NLGN1: variants seen among roughly 807,000 people sequenced by gnomAD.
NLGN1 encodes the protein neuroligin 1.
NLGN1 carries 12 observed loss-of-function variants against 65.5 expected under a neutral mutation model. The ratio of observed to expected loss-of-function variants is 0.18; its 90% CI spans 0.12 to 0.30. NLGN1 has a LOEUF of 0.30. NLGN1 is among the 10% of genes least tolerant of loss of function. The pLI is 1.00. For missense variants in NLGN1, 750 were observed against 1,007.1 expected (o/e 0.74, Z 3.46); for synonymous variants, 350 against 359.5 (o/e 0.97, Z 0.30).
chr3:173,979,778 G>A (rs758174424), intron 4 of NLGN1, among the ~76,000 whole-genome samples: 2 of 151,946 alleles, frequency 1.3e-5, no homozygotes, highest in African/African-American at 4.8e-5. Flanking sequence ...TCACCATATC[G>A]TGTTATTGAC....
At chr3:174,036,909 A>G (rs1371767555) in intron 4 of NLGN1, among the ~76,000 whole-genome samples, 1 of 152,096 alleles carries the variant, frequency 6.6e-6, no homozygotes, top group Admixed American at 6.6e-5. Context: ...AGCTTTATGC[A>G]TGTTCCTGCA....
chr3:174,040,216 T>C (rs1419228883), intron 4 of NLGN1, among the ~76,000 whole-genome samples: 6 of 152,122 alleles, frequency 3.9e-5, no homozygotes, highest in African/African-American at 1.4e-4. Context: ...TAAAGAAGGC[T>C]AAATGCTCAC....
At chr3:173,786,413 G>C (rs2150344635) in intron 3 of NLGN1, among the ~76,000 whole-genome samples, 1 of 152,126 alleles carries the variant, frequency 6.6e-6, no homozygotes, top group African/African-American at 2.4e-5. Context: ...GAAATATCCA[G>C]AATAATTAAG....
chr3:173,456,370 A>G (rs1217757036), intron 2 of NLGN1, among the ~76,000 whole-genome samples: 1 of 152,130 alleles, frequency 6.6e-6, no homozygotes, highest in African/African-American at 2.4e-5. Flanking sequence ...GGTTGAGAAC[A>G]TGGACTGAGG....
intron 4 of NLGN1, among the ~76,000 whole-genome samples, chr3:173,917,689 C>T (rs949034960): frequency 1.3e-5 from 2 of 152,132 alleles, no homozygotes; most frequent in Non-Finnish European, 2.9e-5. Context: ...ATGTCTAAGC[C>T]AAAGGTAAGG....
intron 3 of NLGN1, among the ~76,000 whole-genome samples, chr3:173,757,685 C>A (rs189264645): frequency 6.6e-6 from 1 of 151,848 alleles, no homozygotes; most frequent in Non-Finnish European, 1.5e-5. Flanking sequence ...AAAAAAATGG[C>A]ACTTTGGAGA....
intron 3 of NLGN1, among the ~76,000 whole-genome samples, chr3:173,648,816 C>T (rs1039821108): frequency 1.3e-5 from 2 of 152,048 alleles, no homozygotes; most frequent in African/African-American, 4.8e-5. Flanking sequence ...CTCAGGTGAT[C>T]CACCCACCTT....
At chr3:174,076,724 AGTGTGTGTGTGTGTGTGTGTGT>A (rs143103332) in intron 4 of NLGN1, among the ~76,000 whole-genome samples, 1 of 82,044 alleles carries the variant, frequency 1.2e-5, no homozygotes, top group East Asian at 3.7e-4. Context: ...AGAGAGAGAG[AGTGTGTGTGTGTGTGTGTGTGT>A]GTGTGTGTGT....
chr3:174,242,868 C>T (rs143728042), intron 4 of NLGN1, among the ~76,000 whole-genome samples: 1 of 152,004 alleles, frequency 6.6e-6, no homozygotes, highest in East Asian at 2.0e-4. Context: ...ATGTTGGCGA[C>T]CAGTGCCAAA....
intron 4 of NLGN1, among the ~76,000 whole-genome samples, chr3:174,203,318 A>C (rs1734833874): frequency 6.6e-6 from 1 of 152,202 alleles, no homozygotes; most frequent in South Asian, 2.1e-4. Flanking sequence ...TTGAAGGTCC[A>C]CTTCACCGTG....
chr3:173,873,025 A>G lies in NLGN1; in HGVS notation c.646+65193A>G, dbSNP rs541031063. Among the ~76,000 whole-genome samples, 89 of 152,174 alleles carry G rather than the reference A, an allele frequency of 5.8e-4. No individual in the cohort carries two copies. The South Asian group carries it at 0.018, about 31-fold the overall frequency. ...GGAATGTCCCCAATGCCCAAGGTCA[A>G]TTGGGGCTGGCACGTGAAGGAACTC... is the stretch of plus-strand genomic sequence containing the variant. On this transcript the variant is annotated intron_variant, in intron 4 of 6. Coordinates refer to ENST00000457714, the Ensembl canonical transcript of NLGN1.
intron 1 of NLGN1, among the ~76,000 whole-genome samples, chr3:173,412,196 T>C (rs1468149047): frequency 1.3e-5 from 2 of 152,208 alleles, no homozygotes; most frequent in Non-Finnish European, 2.9e-5. Context: ...TTGAAACCTA[T>C]ACCAGTTTAC....
chr3:173,955,699 A>T (rs1198512588), intron 4 of NLGN1, among the ~76,000 whole-genome samples: 3 of 152,218 alleles, frequency 2.0e-5, no homozygotes, highest in African/African-American at 7.2e-5. Context: ...CTTAAACTTC[A>T]GATAAAAATA....
At chr3:174,056,229 A>G (rs1736044856) in intron 4 of NLGN1, among the ~76,000 whole-genome samples, 1 of 151,964 alleles carries the variant, frequency 6.6e-6, no homozygotes, top group African/African-American at 2.4e-5. Flanking sequence ...TACATTTTTT[A>G]TATTTTGCCG....
At chr3:174,118,353 T>C (rs534380037) in intron 4 of NLGN1, among the ~76,000 whole-genome samples, 5 of 152,270 alleles carry the variant, frequency 3.3e-5, no homozygotes, top group African/African-American at 9.6e-5. Context: ...GCATCCTAAC[T>C]CCATGACCCA....
chr3:173,991,922 C>T (rs553539994), intron 4 of NLGN1, among the ~76,000 whole-genome samples: 21 of 152,076 alleles, frequency 1.4e-4, no homozygotes, highest in African/African-American at 4.1e-4. Flanking sequence ...TAGCGATTCT[C>T]GTTCTAGCAA....
Position 173,912,818 on chromosome 3 carries a change from CAT to C in NLGN1, c.646+104987_646+104988del, listed in dbSNP as rs201366293. On this transcript the variant is annotated intron_variant, in intron 4 of 6. Transcript: ENST00000457714. ...ATATTCTATCACTGTATAAAATACA[CAT>C]GTCTGAAGATTGTAACTGGCTAGAC... Among the ~76,000 whole-genome samples, 177 of 152,138 alleles carry C rather than the reference CAT, an allele frequency of 1.2e-3. 2 individuals are homozygous for C. In the East Asian group the frequency reaches 0.024, roughly 21 times the overall value.
chr3:173,585,775 G>T (rs942859283), intron 2 of NLGN1, among the ~76,000 whole-genome samples: 2 of 152,184 alleles, frequency 1.3e-5, no homozygotes, highest in Non-Finnish European at 2.9e-5. Context: ...CCACTTACTG[G>T]CTTTTCTTTC....
intron 4 of NLGN1, among the ~76,000 whole-genome samples, chr3:174,133,908 A>ACACACACC (rs1720705366): frequency 6.9e-6 from 1 of 145,914 alleles, no homozygotes; most frequent in African/African-American, 2.5e-5. Context: ...ACACACACAC[A>ACACACACC]CACACACACA....
Sources: allele counts gnomAD v4.1 joint callset (sites outside exome capture counted in the v4.1 genomes callset), GRCh38; gene constraint gnomAD v4.1.1; transcripts MANE v1.5; gene names NCBI Gene and HGNC (gene_info 2026-07-23, HGNC 2026-07-21).